FAM13B: variants seen among roughly 807,000 people sequenced by gnomAD.
FAM13B encodes protein FAM13B.
FAM13B carries 60 observed loss-of-function variants against 117.3 expected under a neutral mutation model. The observed-to-expected ratio is 0.51, with a 90% confidence interval of 0.42 to 0.63. The LOEUF is 0.63. Ranked by LOEUF, FAM13B falls within the 30% of genes least tolerant of loss-of-function variation. FAM13B has a pLI of 0.00. For missense variants in FAM13B, 972 were observed against 1,091.9 expected (o/e 0.89, Z 1.55); for synonymous variants, 332 against 356.1 (o/e 0.93, Z 0.76).
At chr5:137,996,810 C>T (rs1437643540) in intron 7 of FAM13B, among the ~76,000 whole-genome samples, 2 of 152,090 alleles carry the variant, frequency 1.3e-5, no homozygotes, top group Non-Finnish European at 2.9e-5. Flanking sequence ...CCAGGCTGGT[C>T]TCGAACTCCT....
intron 4 of FAM13B, among the ~76,000 whole-genome samples, chr5:138,018,082 T>C (rs1785705834): frequency 2.0e-5 from 3 of 152,234 alleles, no homozygotes; most frequent in Admixed American, 2.0e-4. Context: ...ACCCTGTTTC[T>C]TAGGCTAATA....
Position 137,938,210 on chromosome 5 carries a change from A to G in FAM13B, c.*2015T>C, listed in dbSNP as rs1193856657. The G allele has an allele frequency of 6.6e-6, 1 of 152,646 alleles. No homozygotes were observed. Among genetic ancestry groups the G allele is most frequent in the Non-Finnish European group, 1.5e-5 (1 of 68,038 alleles). 9.5% of individuals were successfully genotyped at this position (152,646 alleles called of 1,614,324 possible). On this transcript the variant is annotated 3_prime_UTR_variant, in exon 24 of 24. Transcript: ENST00000689681. ...TTACATATTCTACTCACAGCCAAACATTAACATTGAATAACATATTGAAGC... is the reference window on the plus strand; with the variant it reads ...TTACATATTCTACTCACAGCCAAACGTTAACATTGAATAACATATTGAAGC...
At chr5:137,987,956 C>T (rs1777641853) in intron 8 of FAM13B, among the ~76,000 whole-genome samples, 2 of 152,178 alleles carry the variant, frequency 1.3e-5, no homozygotes, top group Admixed American at 1.3e-4. Flanking sequence ...AACCTACTAA[C>T]AGCAAAATGA....
chr5:138,026,920 CAAAG>C (rs1788570012), intron 1 of FAM13B, among the ~76,000 whole-genome samples: 2 of 148,962 alleles, frequency 1.3e-5, no homozygotes, highest in Admixed American at 1.4e-4. Context: ...GCCTGGGCAA[CAAAG>C]AAAGACTCCA....
chr5:137,992,375 C>A (rs1347445228), intron 7 of FAM13B, among the ~76,000 whole-genome samples: 2 of 150,798 alleles, frequency 1.3e-5, no homozygotes, highest in East Asian at 3.9e-4. Flanking sequence ...GGGCAGATCA[C>A]CTGAGGTCGG....
chr5:137,984,959 TG>T (rs1209863115), intron 10 of FAM13B, among the ~76,000 whole-genome samples: 1 of 151,730 alleles, frequency 6.6e-6, no homozygotes, highest in African/African-American at 2.4e-5. Context: ...TTAGTAGAGA[TG>T]GGGGTTCACC....
intron 10 of FAM13B, among the ~76,000 whole-genome samples, chr5:137,963,595 G>T (rs573030795): frequency 1.3e-5 from 2 of 152,146 alleles, no homozygotes; most frequent in African/African-American, 4.8e-5. Flanking sequence ...GAGAACCACT[G>T]ATACAGAAAT....
chr5:137,997,615 T>C (rs966852681), intron 7 of FAM13B, among the ~76,000 whole-genome samples: 5 of 152,108 alleles, frequency 3.3e-5, no homozygotes, highest in African/African-American at 4.8e-5. Context: ...TGCTTTTTCA[T>C]GCACCCTAGG....
chr5:137,999,317 C>T (rs139481897), intron 7 of FAM13B, among the ~76,000 whole-genome samples: 81 of 152,210 alleles, frequency 5.3e-4, no homozygotes, highest in Middle Eastern at 3.4e-3. Context: ...GTGGCTCATG[C>T]CTGTAACCCC....
At chr5:137,963,065 C>T (rs964247774) in intron 10 of FAM13B, among the ~76,000 whole-genome samples, 1 of 152,122 alleles carries the variant, frequency 6.6e-6, no homozygotes, top group African/African-American at 2.4e-5. Context: ...TTTTGATGAT[C>T]ACCTTTCAAA....
At chr5:138,016,939 T>C (rs1478757540) in intron 4 of FAM13B, among the ~76,000 whole-genome samples, 2 of 152,186 alleles carry the variant, frequency 1.3e-5, no homozygotes. Flanking sequence ...TCATATTTAA[T>C]AAATGCAAAA....
chr5:138,014,378 T>C (rs748179850), intron 4 of FAM13B, among the ~76,000 whole-genome samples: 17 of 152,188 alleles, frequency 1.1e-4, no homozygotes, highest in Non-Finnish European at 1.5e-4. Context: ...GCAAGTCAGA[T>C]CAGTGGCGGC....
intron 1 of FAM13B, among the ~76,000 whole-genome samples, chr5:138,040,504 G>A (rs1366202748): frequency 5.3e-5 from 8 of 150,272 alleles, no homozygotes; most frequent in African/African-American, 1.5e-4. Flanking sequence ...TCTGGGAGGC[G>A]GAGATTACCG....
chr5:137,960,822 G>A (rs1561751505), intron 11 of FAM13B, among the ~76,000 whole-genome samples: 2 of 152,126 alleles, frequency 1.3e-5, no homozygotes, highest in South Asian at 4.1e-4. Context: ...TAGAACAAGT[G>A]TTATAGCAAG....
chr5:138,042,374 G>A (rs1412320988), intron 1 of FAM13B, among the ~76,000 whole-genome samples: 1 of 152,136 alleles, frequency 6.6e-6, no homozygotes, highest in Admixed American at 6.5e-5. Context: ...CAATAATAAG[G>A]AGGGGTCATG....
At chr5:137,994,747 A>T (rs1779446441) in intron 7 of FAM13B, among the ~76,000 whole-genome samples, 1 of 152,214 alleles carries the variant, frequency 6.6e-6, no homozygotes, top group Non-Finnish European at 1.5e-5. Flanking sequence ...AGTCAAGCAC[A>T]ACATTGAAGA....
intron 10 of FAM13B, 71 bp from the exon 11 acceptor site, chr5:137,962,540 A>G: frequency 7.4e-7 from 1 of 1,352,490 alleles, no homozygotes; most frequent in Non-Finnish European, 1.0e-6. Flanking sequence ...GCCAATCTAA[A>G]TTAGGATATT....
intron 10 of FAM13B, among the ~76,000 whole-genome samples, chr5:137,981,702 C>T (rs1281422281): frequency 6.6e-6 from 1 of 151,732 alleles, no homozygotes; most frequent in Non-Finnish European, 1.5e-5. Flanking sequence ...AGGAGAATGG[C>T]TTGAACCTGG....
intron 16 of FAM13B, 78 bp from the exon 17 acceptor site, chr5:137,952,787 A>G: frequency 1.2e-6 from 1 of 829,512 alleles, no homozygotes; most frequent in Non-Finnish European, 1.9e-6. Flanking sequence ...ATAGTATTTT[A>G]CAATTCCCAC....
Sources: gnomAD v4.1 joint callset for allele counts (sites outside exome capture counted in the v4.1 genomes callset) on GRCh38, gnomAD v4.1.1 for gene constraint, MANE v1.5 for transcripts, NCBI Gene and HGNC (gene_info 2026-07-23, HGNC 2026-07-21) for gene names.